Variants in ARB2A observed in about 807,000 individuals in gnomAD.
ARB2A encodes cotranscriptional regulator ARB2A.
the ARB2A span, chr5:93,618,521 T>G: frequency 6.7e-6 from 1 of 148,600 alleles, no homozygotes; most frequent in African/African-American, 2.6e-5. Flanking sequence ...GCCGTCCTCA[T>G]GCAGGTGGGC....
chr5:93,672,699 C>G, the ARB2A span, among the ~76,000 whole-genome samples: 6 of 151,934 alleles, frequency 3.9e-5, no homozygotes, highest in South Asian at 1.3e-3. Context: ...TACTTAAAAC[C>G]CACAAAATTT....
the ARB2A span, among the ~76,000 whole-genome samples, chr5:94,004,868 CA>C: frequency 2.0e-5 from 3 of 150,886 alleles, no homozygotes; most frequent in Non-Finnish European, 4.4e-5. Context: ...TGAACTCAGC[CA>C]AAACAAAGCT....
chr5:93,907,949 A>G, the ARB2A span, among the ~76,000 whole-genome samples: 2 of 151,292 alleles, frequency 1.3e-5, no homozygotes, highest in African/African-American at 4.8e-5. Flanking sequence ...CTTTTTGAGA[A>G]GGCAAAAATT....
At chr5:93,855,572 G>A in the ARB2A span, among the ~76,000 whole-genome samples, 1 of 152,100 alleles carries the variant, frequency 6.6e-6, no homozygotes, top group Non-Finnish European at 1.5e-5. Context: ...TTTACAATTT[G>A]GCATGATTTT....
chr5:93,741,369 C>T, the ARB2A span: 1 of 1,611,796 alleles, frequency 6.2e-7, no homozygotes, highest in Non-Finnish European at 8.5e-7. Context: ...GCAGGGGACC[C>T]AGGGGAATCC....
chr5:93,698,215 G>A, the ARB2A span, among the ~76,000 whole-genome samples: 1 of 151,908 alleles, frequency 6.6e-6, no homozygotes, highest in African/African-American at 2.4e-5. Flanking sequence ...TTTGCTTTTG[G>A]TTATTTCCAA....
chr5:93,860,831 T>A, the ARB2A span: 1 of 151,726 alleles, frequency 6.6e-6, no homozygotes, highest in Non-Finnish European at 1.5e-5. Context: ...ATTTTTTGTA[T>A]TTTTAGTAGA....
the ARB2A span, among the ~76,000 whole-genome samples, chr5:93,842,123 T>C: frequency 6.6e-6 from 1 of 152,178 alleles, no homozygotes. Flanking sequence ...AATGTTAGAA[T>C]GGAGGTCAGT....
At chr5:93,632,074 G>A in the ARB2A span, among the ~76,000 whole-genome samples, 2 of 152,054 alleles carry the variant, frequency 1.3e-5, no homozygotes, top group African/African-American at 4.8e-5. Flanking sequence ...TGGTACTGGG[G>A]GTGCAGTGGT....
chr5:93,955,010 C>T, the ARB2A span, among the ~76,000 whole-genome samples: 1 of 152,078 alleles, frequency 6.6e-6, no homozygotes, highest in South Asian at 2.1e-4. Flanking sequence ...CTCTCCACAC[C>T]ATGCTGCTGC....
At chr5:93,627,821 A>T in the ARB2A span, among the ~76,000 whole-genome samples, 1 of 152,186 alleles carries the variant, frequency 6.6e-6, no homozygotes, top group African/African-American at 2.4e-5. Context: ...ATGTTGTGTT[A>T]GCAGGAATGA....
At chr5:93,907,848 C>A in the ARB2A span, among the ~76,000 whole-genome samples, 3 of 151,204 alleles carry the variant, frequency 2.0e-5, no homozygotes, top group East Asian at 5.8e-4. Flanking sequence ...TAAATGCATG[C>A]TGAAATTTGC....
the ARB2A span, among the ~76,000 whole-genome samples, chr5:93,660,551 A>G: frequency 3.3e-5 from 5 of 152,184 alleles, no homozygotes; most frequent in African/African-American, 1.2e-4. Context: ...ACTTGTTTGG[A>G]TAGAATGAAA....
At chr5:94,086,440 G>A in the ARB2A span, among the ~76,000 whole-genome samples, 1 of 152,172 alleles carries the variant, frequency 6.6e-6, no homozygotes, top group Non-Finnish European at 1.5e-5. Context: ...TTGTGGTGAT[G>A]CTGGTATAAA....
At chr5:93,817,217 A>G in the ARB2A span, among the ~76,000 whole-genome samples, 1 of 152,152 alleles carries the variant, frequency 6.6e-6, no homozygotes, top group Admixed American at 6.5e-5. Context: ...ATGAAAATAA[A>G]ATAAACAATT....
the ARB2A span, among the ~76,000 whole-genome samples, chr5:93,724,663 G>A: frequency 1.3e-5 from 2 of 151,974 alleles, no homozygotes; most frequent in Admixed American, 1.3e-4. Flanking sequence ...GTCACTAGGT[G>A]ATACAGTAAT....
chr5:93,730,054 T>C, the ARB2A span, among the ~76,000 whole-genome samples: 1 of 152,156 alleles, frequency 6.6e-6, no homozygotes, highest in African/African-American at 2.4e-5. Flanking sequence ...CTAAATAAAT[T>C]GTTTACTGAC....
the ARB2A span, among the ~76,000 whole-genome samples, chr5:93,815,502 T>A: frequency 1.7e-3 from 260 of 152,304 alleles, no homozygotes; most frequent in Non-Finnish European, 2.9e-3. Flanking sequence ...GAATGCAGTA[T>A]TCTACTTATT....
At chr5:93,757,928 G>T in the ARB2A span, among the ~76,000 whole-genome samples, 1 of 152,104 alleles carries the variant, frequency 6.6e-6, no homozygotes. Context: ...TGACCTAAAT[G>T]CTCCACTTAA....
Sources: allele counts gnomAD v4.1 joint callset (sites outside exome capture counted in the v4.1 genomes callset), GRCh38; gene constraint gnomAD v4.1.1; transcripts MANE v1.5; gene names NCBI Gene and HGNC (gene_info 2026-07-23, HGNC 2026-07-21).